HMCN1: variants seen among roughly 807,000 people sequenced by gnomAD.
HMCN1 encodes hemicentin 1.
HMCN1 carries 321 observed loss-of-function variants against 625.9 expected under a neutral mutation model. The ratio of observed to expected loss-of-function variants is 0.51; its 90% CI spans 0.47 to 0.56. HMCN1 has a LOEUF of 0.56. HMCN1 is among the 20% of genes least tolerant of loss of function. The pLI, the probability that HMCN1 is intolerant of heterozygous loss-of-function variation, is 0.00. For synonymous variants in HMCN1, 2,425 were observed against 2,417.6 expected (o/e 1.00, Z -0.09); for missense variants, 6,588 against 6,887.3 (o/e 0.96, Z 1.54).
chr1:185,864,473 G>A lies in HMCN1; in HGVS notation c.343G>A (p.Gly115Ser), dbSNP rs767047944. 6.2e-7 allele frequency: 1 copy of A among 1,613,778 alleles called. No individual in the cohort carries two copies. The highest frequency in any genetic ancestry group is 1.1e-5 in the South Asian group (1 of 91,066). ...AATTTTTCTCTCCACTCAACAGGGTGGTGGTGATTGCCCAGAAATGAGTAT... is the reference window on the plus strand; with the variant it reads ...AATTTTTCTCTCCACTCAACAGGGTAGTGGTGATTGCCCAGAAATGAGTAT... ...YELRELYVQG[G>S]GDCPEMSIGA... The change falls in exon 3 of 107, where the codon GGT becomes AGT. Residue 115 changes from glycine to serine, a missense_variant. Gly to Ser is a moderately conservative substitution (Grantham distance 56). Around this residue, in one of 3 missense-constraint regions of HMCN1, gnomAD observed 4,628 missense variants for 4,853.1 expected, o/e 0.95. Coordinates refer to ENST00000271588, the MANE Select transcript of HMCN1 (RefSeq NM_031935.3).
At position 186,130,017 on chromosome 1, in the gene HMCN1, C is replaced by T; in HGVS notation, c.12956C>T (p.Ser4319Leu). Residue 4319 changes from serine (S) to leucine (L), a missense_variant, in exon 84 of 107, where the codon TCA becomes TTA. Around this residue, in one of 3 missense-constraint regions of HMCN1, gnomAD observed 1,954 missense variants for 2,013.1 expected, o/e 0.97. Transcript: ENST00000271588. ...AGTGAACTTGTTATTGAAAGAGTGT[C>T]AAAAGAGGATTCAGGTACTTATGTG... is the stretch of plus-strand genomic sequence containing the variant. Reference protein sequence around the residue: ...GHSELVIERVSKEDSGTYVCT... With the variant: ...GHSELVIERVLKEDSGTYVCT... The T allele has an allele frequency of 6.2e-7, 1 of 1,613,104 alleles. No homozygotes were observed. Among genetic ancestry groups the T allele is most frequent in the Non-Finnish European group, 8.5e-7 (1 of 1,179,396 alleles).
intron 58 of HMCN1, 137 bp from the exon 59 acceptor site, chr1:186,087,075 ATTATT>A: frequency 1.5e-6 from 1 of 672,694 alleles, no homozygotes; most frequent in South Asian, 1.7e-5. Context: ...AACTGATCCA[ATTATT>A]TTATTTTAAA....
chr1:186,136,692 C>A lies in HMCN1; in HGVS notation c.13337C>A (p.Pro4446Gln). Residue 4446 changes from proline (P) to glutamine (Q), a missense_variant, in exon 87 of 107, where the codon CCA (proline) becomes CAA (glutamine). Coordinates refer to ENST00000271588, the MANE Select transcript of HMCN1 (RefSeq NM_031935.3). ...LQSPPIITLE[P>Q]VETVINAGGK... ...GGTCCTCCTATTATCACTCTTGAGC[C>A]AGTGGAAACTGTTATTAATGCTGGT... The A allele has an allele frequency of 6.2e-7, 1 of 1,613,892 alleles. No homozygotes were observed. The highest frequency in any genetic ancestry group is 8.5e-7 in the Non-Finnish European group (1 of 1,179,876).
At chr1:185,961,016 G>A (rs1263338098) in intron 11 of HMCN1, among the ~76,000 whole-genome samples, 2 of 151,976 alleles carry the variant, frequency 1.3e-5, no homozygotes, top group African/African-American at 2.4e-5. Flanking sequence ...TCACCAACAA[G>A]AATCCGTGGA....
intron 99 of HMCN1, 94 bp from the exon 100 acceptor site, chr1:186,166,714 G>A: frequency 3.2e-6 from 5 of 1,564,014 alleles, no homozygotes; most frequent in Non-Finnish European, 2.6e-6. Flanking sequence ...AGTTTCAAGG[G>A]TCCTTCACTG....
chr1:186,061,232 G>A lies in HMCN1; in HGVS notation c.7313-619G>A, dbSNP rs529083811. The stretch of plus-strand genomic sequence containing the variant: ...GGTTTAATTGACTTACATTCTGCAT[G>A]TCTGGGGAGGCCTCAGGAAACTTAA... On this transcript the variant is annotated intron_variant, in intron 46 of 106. Transcript: ENST00000271588. Among the ~76,000 whole-genome samples the A allele has an allele frequency of 2.0e-5, 3 of 152,234 alleles. No homozygotes were observed. In the South Asian group the frequency reaches 6.2e-4, roughly 32 times the overall value.
intron 68 of HMCN1, among the ~76,000 whole-genome samples, chr1:186,100,462 C>T (rs1571352000): frequency 6.6e-6 from 1 of 152,038 alleles, no homozygotes; most frequent in African/African-American, 2.4e-5. Flanking sequence ...CCACTGAAAA[C>T]AAGGGACAGC....
intron 11 of HMCN1, among the ~76,000 whole-genome samples, chr1:185,948,987 G>T (rs1220294754): frequency 1.3e-5 from 2 of 151,734 alleles, no homozygotes; most frequent in Non-Finnish European, 2.9e-5. Flanking sequence ...GCCTGGATAC[G>T]GTTTTGGATG....
At chr1:186,002,604 T>A (rs924764560) in intron 28 of HMCN1, among the ~76,000 whole-genome samples, 9 of 152,144 alleles carry the variant, frequency 5.9e-5, no homozygotes, top group Non-Finnish European at 1.3e-4. Flanking sequence ...TTATTTCTCC[T>A]GGTACTTGTC....
intron 2 of HMCN1, among the ~76,000 whole-genome samples, chr1:185,850,709 C>T (rs964700651): frequency 6.6e-6 from 1 of 152,110 alleles, no homozygotes; most frequent in Non-Finnish European, 1.5e-5. Flanking sequence ...TTCTCCCATG[C>T]AGTAAAAGCT....
chr1:186,086,774 G>GTAGATAGA (rs375561336), intron 58 of HMCN1, among the ~76,000 whole-genome samples: 1 of 125,010 alleles, frequency 8.0e-6, no homozygotes, highest in Non-Finnish European at 1.9e-5. Flanking sequence ...AGATAGATAG[G>GTAGATAGA]TAGATAGATA....
chr1:185,794,862 T>C (rs909666244), intron 1 of HMCN1, among the ~76,000 whole-genome samples: 1 of 152,200 alleles, frequency 6.6e-6, no homozygotes, highest in Non-Finnish European at 1.5e-5. Flanking sequence ...ATATGACTTT[T>C]GTAAAAAAAA....
At position 185,963,892 on chromosome 1, in the gene HMCN1, A is replaced by T; in HGVS notation, c.2095A>T (p.Ile699Phe). The T allele has an allele frequency of 1.2e-6, 2 of 1,611,230 alleles. No homozygotes were observed. The highest frequency in any genetic ancestry group is 8.5e-7 in the Non-Finnish European group (1 of 1,177,656). The change falls in exon 13 of 107, where the codon ATT (isoleucine) becomes TTT (phenylalanine). Residue 699 changes from isoleucine to phenylalanine, a missense_variant. By Grantham distance (21) the Ile-to-Phe change is conservative. This residue lies in a region of HMCN1 where 4,628 missense variants were observed against 4,853.1 expected (regional missense o/e 0.95). Coordinates refer to ENST00000271588, the MANE Select transcript of HMCN1 (RefSeq NM_031935.3). ...TDKQNSTLRY[I>F]EAPKLMVVQS... is the part of the protein sequence containing the mutation. ...TAAACAGAATTCTACTCTCAGATAC[A>T]TTGGCAAGTATAATCACTTTAAAAG...
chr1:185,963,969 G>T, intron 13 of HMCN1, 74 bp downstream of exon 13: 2 of 1,303,074 alleles, frequency 1.5e-6, no homozygotes, highest in Middle Eastern at 4.2e-4. Flanking sequence ...GTACTTTTTT[G>T]AAATATTAAT....
chr1:185,906,959 T>C (rs1026742483), intron 4 of HMCN1, among the ~76,000 whole-genome samples: 1 of 151,348 alleles, frequency 6.6e-6, no homozygotes, highest in Non-Finnish European at 1.5e-5. Context: ...CTATTTTTTT[T>C]TTTTTTTTTT....
intron 36 of HMCN1, among the ~76,000 whole-genome samples, chr1:186,026,733 C>T (rs1655081687): frequency 6.6e-6 from 1 of 151,974 alleles, no homozygotes; most frequent in Non-Finnish European, 1.5e-5. Flanking sequence ...TCCCTAGGCT[C>T]AGGTGATCTT....
intron 52 of HMCN1, among the ~76,000 whole-genome samples, chr1:186,074,238 A>C (rs1181595403): frequency 3.8e-5 from 5 of 132,900 alleles, no homozygotes; most frequent in South Asian, 4.7e-4. Context: ...AATAAAACAT[A>C]ATATAAATAT....
intron 1 of HMCN1, among the ~76,000 whole-genome samples, chr1:185,818,911 CT>C (rs200463566): frequency 2.5e-3 from 356 of 143,284 alleles, no homozygotes; most frequent in Middle Eastern, 3.7e-3. Context: ...GCAATTTTAC[CT>C]TTTTTTTTTT....
At chr1:185,972,147 G>A in intron 15 of HMCN1, among the ~76,000 whole-genome samples, 1 of 152,160 alleles carries the variant, frequency 6.6e-6, no homozygotes, top group Non-Finnish European at 1.5e-5. Flanking sequence ...GATATTTTAT[G>A]TTTACTCAAC....
Sources: allele counts gnomAD v4.1 joint callset (sites outside exome capture counted in the v4.1 genomes callset), GRCh38; gene constraint gnomAD v4.1.1; regional missense constraint gnomAD v4.1.1; transcripts MANE v1.5; gene names NCBI Gene and HGNC (gene_info 2026-07-23, HGNC 2026-07-21).